The following AGPAT4 variants were observed in gnomAD, a reference collection of about 807,000 sequenced individuals.
AGPAT4 encodes 1-acyl-sn-glycerol-3-phosphate acyltransferase delta.
AGPAT4 carries 15 observed loss-of-function variants against 48.0 expected under a neutral mutation model. The ratio of observed to expected loss-of-function variants is 0.31; its 90% CI spans 0.21 to 0.48. The LOEUF is 0.48. AGPAT4 is among the 20% of genes least tolerant of loss of function. AGPAT4 has a pLI of 0.99. For synonymous variants in AGPAT4, 178 were observed against 198.7 expected, an observed-to-expected ratio of 0.90 and a Z score of 0.88; for missense variants, 314 against 482.5, an observed-to-expected ratio of 0.65 and a Z score of 3.27.
chr6:161,139,505 T>C lies in AGPAT4; in HGVS notation c.959A>G (p.Tyr320Cys), dbSNP rs139702200. 161 of 1,613,728 alleles carry C rather than the reference T, an allele frequency of 1.0e-4. No individual in the cohort carries two copies. In the African/African-American group the frequency reaches 1.5e-3, roughly 16 times the overall value. ...NWLFWASLVL[Y>C]PFFQFLVSMI... ...GCTGACCAGGAACTGGAAGAAAGGG[T>C]AGAGCACCAGCGAGGCCCAAAACAG... The change falls in exon 8 of 9, where the codon TAC becomes TGC. Residue 320 changes from tyrosine to cysteine, a missense_variant. Coordinates refer to ENST00000320285, the MANE Select transcript of AGPAT4 (RefSeq NM_020133.3). This position sits in a 1 kb window ranked among gnomAD's most constrained non-coding sequence, Gnocchi z 9.1.
At chr6:161,157,625 T>C (rs1779800210) in intron 3 of AGPAT4, among the ~76,000 whole-genome samples, 1 of 152,252 alleles carries the variant, frequency 6.6e-6, no homozygotes, top group African/African-American at 2.4e-5. Flanking sequence ...AGAAGAGACA[T>C]AACTTTCTTT....
rs371548110 is a variant in AGPAT4, at chr6:161,226,492, T to C, written c.178+5544A>G. ...CTTTGGGGGATCAACAGCTTTCTTA[T>C]CGAGAACACCACAGACTTCCCTTGT... On this transcript the variant is annotated intron_variant, in intron 2 of 8. Coordinates refer to ENST00000320285, the MANE Select transcript of AGPAT4 (RefSeq NM_020133.3). The surrounding 1 kb of genome is among the most constrained non-coding windows in gnomAD (Gnocchi z 6.3). Among the ~76,000 whole-genome samples, 33 of 152,288 alleles carry C rather than the reference T, an allele frequency of 2.2e-4. No homozygotes were observed. In the East Asian group the frequency reaches 2.5e-3, roughly 12 times the overall value.
rs1205859029 is a variant in AGPAT4 at position 161,200,870 on chromosome 6, T to C, written c.178+31166A>G. 1.3e-5 allele frequency among the ~76,000 whole-genome samples: 2 copies of C among 152,200 alleles called. No individual in the cohort carries two copies. The highest frequency in any genetic ancestry group is 2.9e-5 in the Non-Finnish European group (2 of 68,026). ...AACTCATAAACACAGATACCCTCTA[T>C]TGCCTCATTTTAGAATGGCAGATCC... On this transcript the variant is annotated intron_variant, in intron 2 of 8. Transcript: ENST00000320285. This position sits in a 1 kb window ranked among gnomAD's most constrained non-coding sequence, Gnocchi z 5.5.
chr6:161,178,095 G>T lies in AGPAT4; in HGVS notation c.179-11678C>A, dbSNP rs192434658. Among the ~76,000 whole-genome samples the T allele has an allele frequency of 3.2e-4, 48 of 152,322 alleles. No homozygotes were observed. In the East Asian group the frequency reaches 8.5e-3, roughly 27 times the overall value. ...TGTCTCCCAGTTAGGCTACTCGGGGGTCAGGGACCCACTTGAGGAGGCAGT... is the reference window on the plus strand; with the variant it reads ...TGTCTCCCAGTTAGGCTACTCGGGGTTCAGGGACCCACTTGAGGAGGCAGT... On this transcript the variant is annotated intron_variant, in intron 2 of 8. Transcript: ENST00000320285. This position sits in a 1 kb window ranked among gnomAD's most constrained non-coding sequence, Gnocchi z 5.1.
chr6:161,193,064 T>C (rs1170584760), intron 2 of AGPAT4, among the ~76,000 whole-genome samples: 1 of 152,244 alleles, frequency 6.6e-6, no homozygotes, highest in South Asian at 2.1e-4. Context: ...TGGATTAGTA[T>C]TATTTGTCAG....
Position 161,229,510 on chromosome 6 carries a change from T to C in AGPAT4, c.178+2526A>G, listed in dbSNP as rs1419770834. Among the ~76,000 whole-genome samples, 1 of 152,018 alleles carries C rather than the reference T, an allele frequency of 6.6e-6. No individual in the cohort carries two copies. Among genetic ancestry groups the C allele is most frequent in the African/African-American group, 2.4e-5 (1 of 41,360 alleles). On this transcript the variant is annotated intron_variant, in intron 2 of 8. Coordinates refer to ENST00000320285, the MANE Select transcript of AGPAT4 (RefSeq NM_020133.3). The surrounding 1 kb of genome is among the most constrained non-coding windows in gnomAD (Gnocchi z 6.0). ...ATGGCCTTGGTTACTGTGAAATAAT[T>C]GACAGAGGAAGTCTGTCAATTATTT... is the stretch of plus-strand genomic sequence containing the variant.
chr6:161,136,441 A>G lies in AGPAT4; in HGVS notation c.*99T>C. The G allele has an allele frequency of 9.1e-7, 1 of 1,097,888 alleles. No homozygotes were observed. The allele number at this position is 1,097,888 out of a possible 1,614,324, so 68.0% of individuals were successfully genotyped here. On this transcript the variant is annotated 3_prime_UTR_variant, in exon 9 of 9. Coordinates refer to ENST00000320285, the MANE Select transcript of AGPAT4 (RefSeq NM_020133.3). ...GGTCGTGACTTCCGCCGTGCCCAGCAGGGGCTCACCCAGCCTTTGTCACCG... is the reference window on the plus strand; with the variant it reads ...GGTCGTGACTTCCGCCGTGCCCAGCGGGGGCTCACCCAGCCTTTGTCACCG...
At position 161,202,407 on chromosome 6, in the gene AGPAT4, CAG is replaced by C. The variant is rs1781260888; in HGVS notation, c.178+29627_178+29628del. 6.6e-6 allele frequency among the ~76,000 whole-genome samples: 1 copy of C among 151,924 alleles called. No homozygotes were observed. On this transcript the variant is annotated intron_variant, in intron 2 of 8. Transcript: ENST00000320285. The surrounding 1 kb of genome is among the most constrained non-coding windows in gnomAD (Gnocchi z 5.4). ...TTGGCTTCCTCTGGATGACAGAGGA[CAG>C]AGGGGAAAAGAGAGAGGAAACCAGG...
intron 2 of AGPAT4, among the ~76,000 whole-genome samples, chr6:161,170,696 C>G (rs1780245888): frequency 6.6e-6 from 1 of 152,212 alleles, no homozygotes; most frequent in Admixed American, 6.5e-5. Flanking sequence ...GCTGCACAGC[C>G]AGCTCCACCT....
rs1464034054 is a variant in AGPAT4 at position 161,238,924 on chromosome 6, C to T, written c.-89-6622G>A. 4.6e-5 allele frequency among the ~76,000 whole-genome samples: 7 copies of T among 152,206 alleles called. No individual in the cohort carries two copies. The highest frequency in any genetic ancestry group is 8.8e-5 in the Non-Finnish European group (6 of 68,042). ...TGATTGTAAGTTTCCTGAGGCCTCTCCAGCCCTGCAGAACTGTGAGTCAAT... is the reference window on the plus strand; with the variant it reads ...TGATTGTAAGTTTCCTGAGGCCTCTTCAGCCCTGCAGAACTGTGAGTCAAT... On this transcript the variant is annotated intron_variant, in intron 1 of 8. Transcript: ENST00000320285. The surrounding 1 kb of genome is among the most constrained non-coding windows in gnomAD (Gnocchi z 5.2).
Position 161,216,950 on chromosome 6 carries a change from T to C in AGPAT4, c.178+15086A>G, listed in dbSNP as rs1202321652. ...CCTATCACCCAGTAATCCCTGCTTC[T>C]GTCTTAATTTGACTTTCCCCTCACA... On this transcript the variant is annotated intron_variant, in intron 2 of 8. Transcript: ENST00000320285. The surrounding 1 kb of genome is among the most constrained non-coding windows in gnomAD (Gnocchi z 4.8). 2.0e-5 allele frequency among the ~76,000 whole-genome samples: 3 copies of C among 152,348 alleles called. No individual in the cohort carries two copies. Among genetic ancestry groups the C allele is most frequent in the Admixed American group, 6.5e-5 (1 of 15,312 alleles).
Position 161,218,177 on chromosome 6 carries a change from G to T in AGPAT4, c.178+13859C>A, listed in dbSNP as rs1781708755. 6.6e-6 allele frequency among the ~76,000 whole-genome samples: 1 copy of T among 152,190 alleles called. No homozygotes were observed. The highest frequency in any genetic ancestry group is 2.1e-4 in the South Asian group (1 of 4,832). ...GCTCTCTACCCCCGTCCACAGTGACGGTGCCAATGGTGCTGTGCTGGAAAA... is the reference window on the plus strand; with the variant it reads ...GCTCTCTACCCCCGTCCACAGTGACTGTGCCAATGGTGCTGTGCTGGAAAA... On this transcript the variant is annotated intron_variant, in intron 2 of 8. Coordinates refer to ENST00000320285, the MANE Select transcript of AGPAT4 (RefSeq NM_020133.3). The surrounding 1 kb of genome is among the most constrained non-coding windows in gnomAD (Gnocchi z 4.7).
intron 2 of AGPAT4, among the ~76,000 whole-genome samples, chr6:161,182,898 C>A (rs534523358): frequency 6.6e-6 from 1 of 152,300 alleles, no homozygotes; most frequent in South Asian, 2.1e-4. Flanking sequence ...AGCTTCCCAC[C>A]CCATGGTGGA....
At chr6:161,263,619 C>T (rs1472306460) in intron 1 of AGPAT4, among the ~76,000 whole-genome samples, 1 of 152,216 alleles carries the variant, frequency 6.6e-6, no homozygotes, top group East Asian at 1.9e-4. Context: ...GAATTAGGCA[C>T]ATTTAAAATA....
At chr6:161,174,542 T>C (rs1780374001) in intron 2 of AGPAT4, among the ~76,000 whole-genome samples, 4 of 152,204 alleles carry the variant, frequency 2.6e-5, no homozygotes. Flanking sequence ...TAAGGAGATT[T>C]TGGGCTGAGA....
At position 161,192,142 on chromosome 6, in the gene AGPAT4, C is replaced by CTTT. The variant is rs573872820; in HGVS notation, c.179-25728_179-25726dup. ...TCCCTCTACTAGTTTAGAAGTTATA[C>CTTT]TTTTTTTTTTTTTTTTTTTTTTTTT... is the stretch of plus-strand genomic sequence containing the variant. On this transcript the variant is annotated intron_variant, in intron 2 of 8. Transcript: ENST00000320285. Among the ~76,000 whole-genome samples the CTTT allele has an allele frequency of 1.7e-3, 77 of 45,640 alleles. 1 individual carries two copies. Among genetic ancestry groups the CTTT allele is most frequent in the Non-Finnish European group, 2.2e-3 (63 of 28,220 alleles). 29.9% of individuals were successfully genotyped at this position (45,640 alleles called of 152,430 possible). A position where few individuals can be genotyped will look rare whatever the true frequency, so the allele number is the denominator to read the frequency against.
intron 5 of AGPAT4, among the ~76,000 whole-genome samples, chr6:161,152,618 AG>A (rs1779625201): frequency 6.6e-6 from 1 of 152,134 alleles, no homozygotes; most frequent in Non-Finnish European, 1.5e-5. Context: ...AGAGGAGACA[AG>A]AGGATAAGGC....
Position 161,139,948 on chromosome 6 carries a change from C to T in AGPAT4, c.844-328G>A, listed in dbSNP as rs1006529646. ...TGGGCAGGCACCTGCATCCCTGAGC[C>T]CAGGCCCCAGTCTGTCTAATGGGGC... On this transcript the variant is annotated intron_variant, in intron 7 of 8. Coordinates refer to ENST00000320285, the MANE Select transcript of AGPAT4 (RefSeq NM_020133.3). The surrounding 1 kb of genome is among the most constrained non-coding windows in gnomAD (Gnocchi z 9.1). 6.6e-6 allele frequency among the ~76,000 whole-genome samples: 1 copy of T among 152,230 alleles called. No individual in the cohort carries two copies. Among genetic ancestry groups the T allele is most frequent in the Non-Finnish European group, 1.5e-5 (1 of 68,036 alleles).
chr6:161,180,005 G>GC lies in AGPAT4; in HGVS notation c.179-13589dup, dbSNP rs1298067763. Among the ~76,000 whole-genome samples the GC allele has an allele frequency of 1.3e-5, 2 of 152,108 alleles. No homozygotes were observed. The highest frequency in any genetic ancestry group is 1.3e-4 in the Admixed American group (2 of 15,274). ...AGACAGGAAAGAAATTAAGAAGCATGCCCTGAATCCACTTCTAGGCAGCCC... is the reference window on the plus strand; with the variant it reads ...AGACAGGAAAGAAATTAAGAAGCATGCCCCTGAATCCACTTCTAGGCAGCCC... On this transcript the variant is annotated intron_variant, in intron 2 of 8. Transcript: ENST00000320285. The surrounding 1 kb of genome is among the most constrained non-coding windows in gnomAD (Gnocchi z 6.4).
Sources: gnomAD v4.1 joint callset for allele counts (sites outside exome capture counted in the v4.1 genomes callset) on GRCh38, gnomAD v4.1.1 for gene constraint, Gnocchi (gnomAD v3.1) non-coding constraint, MANE v1.5 for transcripts, NCBI Gene and HGNC (gene_info 2026-07-23, HGNC 2026-07-21) for gene names.